Variants in PKNOX2 observed in about 807,000 individuals in gnomAD.
PKNOX2 encodes PBX/knotted 1 homeobox 2.
A neutral mutation model predicts 53.1 loss-of-function variants in PKNOX2; 14 were observed. The ratio of observed to expected loss-of-function variants is 0.26; its 90% CI spans 0.17 to 0.41. The LOEUF (loss-of-function observed/expected upper bound fraction) is 0.41, where lower values mean the gene tolerates loss of function less well. Among genes scored for constraint, PKNOX2 ranks in the 10% least tolerant of loss-of-function variants. The pLI is 1.00. For missense variants in PKNOX2, 496 were observed against 602.8 expected (o/e 0.82, Z 1.85); for synonymous variants, 257 against 242.8 (o/e 1.06, Z -0.54).
chr11:125,301,796 T>C (rs769028071), intron 2 of PKNOX2, among the ~76,000 whole-genome samples: 2 of 152,190 alleles, frequency 1.3e-5, no homozygotes, highest in Admixed American at 6.5e-5. Context: ...TAGGACAACC[T>C]TCCAGAGGCA....
chr11:125,219,545 C>T (rs1386227901), intron 1 of PKNOX2, among the ~76,000 whole-genome samples: 2 of 151,876 alleles, frequency 1.3e-5, no homozygotes, highest in Admixed American at 6.6e-5. Flanking sequence ...TGAAGAGCTC[C>T]TAAAAATTAA....
intron 1 of PKNOX2, among the ~76,000 whole-genome samples, chr11:125,193,039 G>C (rs934556249): frequency 6.6e-6 from 1 of 152,224 alleles, no homozygotes; most frequent in Admixed American, 6.5e-5. Flanking sequence ...TCTGTCAGCT[G>C]TGCAGCATTG....
chr11:125,211,476 A>G (rs1939839083), intron 1 of PKNOX2, among the ~76,000 whole-genome samples: 1 of 152,160 alleles, frequency 6.6e-6, no homozygotes. Context: ...TATAATAAAC[A>G]TCTATATAAT....
chr11:125,290,016 C>T (rs1426302238), intron 2 of PKNOX2, among the ~76,000 whole-genome samples: 1 of 152,196 alleles, frequency 6.6e-6, no homozygotes, highest in Non-Finnish European at 1.5e-5. Flanking sequence ...TTCACTCCCA[C>T]CCCCAGCATG....
intron 2 of PKNOX2, chr11:125,259,077 C>A: frequency 6.1e-6 from 1 of 164,712 alleles, no homozygotes; most frequent in East Asian, 1.9e-4. Flanking sequence ...AGGAGCCAGC[C>A]ACCACATCCA....
chr11:125,203,762 C>A (rs1338864615), intron 1 of PKNOX2, among the ~76,000 whole-genome samples: 1 of 152,174 alleles, frequency 6.6e-6, no homozygotes, highest in Non-Finnish European at 1.5e-5. Context: ...TGCTTTGGGT[C>A]AGCAAACGAT....
At chr11:125,302,390 C>A (rs1948137922) in intron 2 of PKNOX2, among the ~76,000 whole-genome samples, 1 of 152,220 alleles carries the variant, frequency 6.6e-6, no homozygotes, top group African/African-American at 2.4e-5. Flanking sequence ...AGTCCACGAT[C>A]TGCTATGCAC....
At chr11:125,174,463 G>T (rs1472995934) in intron 1 of PKNOX2, among the ~76,000 whole-genome samples, 1 of 152,122 alleles carries the variant, frequency 6.6e-6, no homozygotes, top group Non-Finnish European at 1.5e-5. Flanking sequence ...TTTATACAAT[G>T]AGCAGGTTAT....
intron 1 of PKNOX2, among the ~76,000 whole-genome samples, chr11:125,202,299 G>A (rs1182274010): frequency 6.6e-6 from 1 of 152,128 alleles, no homozygotes; most frequent in Non-Finnish European, 1.5e-5. Context: ...TGCTTGCCCT[G>A]CCCCCTGCAC....
chr11:125,355,266 CAAAAAAAAAAGAAAAA>C (rs1951539752), intron 4 of PKNOX2, among the ~76,000 whole-genome samples: 1 of 83,242 alleles, frequency 1.2e-5, no homozygotes, highest in African/African-American at 4.8e-5. Flanking sequence ...GACTCTATCT[CAAAAAAAAAAGAAAAA>C]AAAAAAAAAA....
At chr11:125,348,855 A>G (rs1313682281) in intron 3 of PKNOX2, among the ~76,000 whole-genome samples, 2 of 152,190 alleles carry the variant, frequency 1.3e-5, no homozygotes, top group Non-Finnish European at 1.5e-5. Flanking sequence ...GCCCGAGGTT[A>G]AAGAGAACTA....
rs977011046 is a variant in PKNOX2 at position 125,422,242 on chromosome 11, G to A, written c.937-6770G>A. Among the ~76,000 whole-genome samples, 14 of 152,188 alleles carry A rather than the reference G, an allele frequency of 9.2e-5. No homozygotes were observed. Among genetic ancestry groups the A allele is most frequent in the African/African-American group, 2.9e-4 (12 of 41,530 alleles). On this transcript the variant is annotated intron_variant, in intron 10 of 12. Coordinates refer to ENST00000298282, the MANE Select transcript of PKNOX2 (RefSeq NM_001382323.2). The surrounding 1 kb of genome is among the most constrained non-coding windows in gnomAD (Gnocchi z 4.1). ...CACTGTGGCCCCTTACCCCAGCCACGACTGTCTTCATTCTAGACGCTGTTC... is the reference window on the plus strand; with the variant it reads ...CACTGTGGCCCCTTACCCCAGCCACAACTGTCTTCATTCTAGACGCTGTTC...
chr11:125,332,444 T>C (rs2136113799), intron 3 of PKNOX2, among the ~76,000 whole-genome samples: 1 of 152,310 alleles, frequency 6.6e-6, no homozygotes, highest in Admixed American at 6.5e-5. Flanking sequence ...CTCTGAGAAA[T>C]GGTTCTTTTG....
chr11:125,173,604 A>G (rs1216443516), intron 1 of PKNOX2, among the ~76,000 whole-genome samples: 1 of 152,248 alleles, frequency 6.6e-6, no homozygotes, highest in East Asian at 1.9e-4. Flanking sequence ...ACCAAAGTCT[A>G]GAAGATCTGT....
At chr11:125,343,726 G>A (rs1254491037) in intron 3 of PKNOX2, among the ~76,000 whole-genome samples, 1 of 152,180 alleles carries the variant, frequency 6.6e-6, no homozygotes, top group Non-Finnish European at 1.5e-5. Flanking sequence ...GGCAGGGAGG[G>A]CGGTGGGGCT....
chr11:125,369,318 AG>A (rs922782811), intron 5 of PKNOX2, among the ~76,000 whole-genome samples: 81 of 152,274 alleles, frequency 5.3e-4, no homozygotes, highest in African/African-American at 1.9e-3. Flanking sequence ...GCTGGTGGAG[AG>A]CTCTGGCTTG....
intron 1 of PKNOX2, among the ~76,000 whole-genome samples, chr11:125,193,315 C>G (rs1295611779): frequency 6.6e-6 from 1 of 152,178 alleles, no homozygotes; most frequent in African/African-American, 2.4e-5. Flanking sequence ...CAGAAAGCCC[C>G]CTCTCTACCG....
At chr11:125,339,147 G>A (rs912682716) in intron 3 of PKNOX2, among the ~76,000 whole-genome samples, 2 of 152,182 alleles carry the variant, frequency 1.3e-5, no homozygotes, top group Non-Finnish European at 2.9e-5. Flanking sequence ...GGACCTGGCA[G>A]AGAACAACCC....
At chr11:125,309,537 C>A (rs898647928) in intron 2 of PKNOX2, among the ~76,000 whole-genome samples, 1 of 152,010 alleles carries the variant, frequency 6.6e-6, no homozygotes, top group Non-Finnish European at 1.5e-5. Context: ...AAGGCACCGG[C>A]CACCACGCCC....
Sources: allele counts gnomAD v4.1 joint callset (sites outside exome capture counted in the v4.1 genomes callset), GRCh38; gene constraint gnomAD v4.1.1; non-coding constraint Gnocchi (gnomAD v3.1); transcripts MANE v1.5; gene names NCBI Gene and HGNC (gene_info 2026-07-23, HGNC 2026-07-21).